Variants in TMEM132C observed in about 807,000 individuals in gnomAD.
The protein encoded by TMEM132C is protein phosphatase 1, regulatory subunit 152.
Under a neutral mutation model 61.4 loss-of-function variants are expected in TMEM132C, and 29 were observed. The ratio of observed to expected loss-of-function variants is 0.47; its 90% CI spans 0.35 to 0.64. TMEM132C has a LOEUF of 0.64. Among genes scored for constraint, TMEM132C ranks in the 30% least tolerant of loss-of-function variants. The pLI is 0.00. For synonymous variants in TMEM132C, 656 were observed against 633.1 expected (o/e 1.04, Z -0.54); for missense variants, 1,408 against 1,476.9 (o/e 0.95, Z 0.76).
chr12:128,636,701 C>T (rs950716242), intron 4 of TMEM132C, among the ~76,000 whole-genome samples: 6 of 152,022 alleles, frequency 3.9e-5, no homozygotes, highest in Admixed American at 1.3e-4. Flanking sequence ...GACAGCAGAT[C>T]TCTAGAACAT....
chr12:128,477,368 C>A (rs146472330), intron 2 of TMEM132C, among the ~76,000 whole-genome samples: 71 of 152,268 alleles, frequency 4.7e-4, no homozygotes, highest in African/African-American at 1.6e-3. Context: ...CCGCATGAGG[C>A]CAAAGCTTGG....
chr12:128,706,094 C>A lies in TMEM132C; in HGVS notation c.3126C>A (p.Asp1042Glu), dbSNP rs752030046. ...GGRQGREQKQ[D>E]PLHSPTSKRK... The stretch of plus-strand genomic sequence containing the variant: ...GGCAGGGCAGAGAACAGAAGCAGGA[C>A]CCCCTGCACTCGCCCACCTCCAAGA... Residue 1042 changes from aspartate to glutamate, a missense_variant, in exon 9 of 9, where the codon GAC becomes GAA. By Grantham distance (45) the Asp-to-Glu change is conservative. Coordinates refer to ENST00000435159, the MANE Select transcript of TMEM132C (RefSeq NM_001136103.3). The A allele has an allele frequency of 8.4e-6, 13 of 1,551,386 alleles. No homozygotes were observed. In the African/African-American group the frequency reaches 1.4e-4, roughly 16 times the overall value.
At chr12:128,270,769 G>C (rs1870484285) in intron 1 of TMEM132C, among the ~76,000 whole-genome samples, 2 of 152,120 alleles carry the variant, frequency 1.3e-5, no homozygotes, top group South Asian at 4.1e-4. Flanking sequence ...TCCTTACTGT[G>C]TTTTAGCCTC....
intron 4 of TMEM132C, among the ~76,000 whole-genome samples, chr12:128,621,464 C>T (rs578166066): frequency 2.6e-4 from 40 of 152,240 alleles, no homozygotes; most frequent in African/African-American, 8.4e-4. Flanking sequence ...GATAGCACCC[C>T]GTAGCCAAGG....
chr12:128,434,135 A>G (rs978594764), intron 2 of TMEM132C, among the ~76,000 whole-genome samples: 1 of 152,208 alleles, frequency 6.6e-6, no homozygotes, highest in African/African-American at 2.4e-5. Flanking sequence ...ATCATCAGCT[A>G]GAATGAACTA....
chr12:128,625,322 C>T (rs1198032561), intron 4 of TMEM132C, among the ~76,000 whole-genome samples: 1 of 152,158 alleles, frequency 6.6e-6, no homozygotes, highest in Non-Finnish European at 1.5e-5. Flanking sequence ...GAGGACTTGC[C>T]TCCTGGTGCA....
chr12:128,684,746 C>T (rs1954661510), intron 5 of TMEM132C, among the ~76,000 whole-genome samples: 2 of 152,236 alleles, frequency 1.3e-5, no homozygotes, highest in African/African-American at 4.8e-5. Context: ...TAGACATTGT[C>T]TCAGAAATAT....
intron 1 of TMEM132C, among the ~76,000 whole-genome samples, chr12:128,285,230 G>A (rs1871017484): frequency 6.6e-6 from 1 of 152,108 alleles, no homozygotes; most frequent in African/African-American, 2.4e-5. Flanking sequence ...TAGAAGAACA[G>A]ATTTTGAATG....
At chr12:128,379,209 T>G (rs1593031705) in intron 1 of TMEM132C, among the ~76,000 whole-genome samples, 1 of 152,150 alleles carries the variant, frequency 6.6e-6, no homozygotes, top group South Asian at 2.1e-4. Flanking sequence ...TGGGTTATGG[T>G]TGGTCAGTGA....
At chr12:128,370,009 C>G (rs974866471) in intron 1 of TMEM132C, among the ~76,000 whole-genome samples, 1 of 152,236 alleles carries the variant, frequency 6.6e-6, no homozygotes, top group Admixed American at 6.5e-5. Context: ...GCTGATGGAT[C>G]TTGCATTTCT....
intron 4 of TMEM132C, among the ~76,000 whole-genome samples, chr12:128,622,685 C>T (rs936073354): frequency 3.5e-4 from 53 of 151,890 alleles, no homozygotes; most frequent in African/African-American, 1.2e-3. Context: ...CGTGGGGAAG[C>T]GCGTTAGCAA....
intron 2 of TMEM132C, among the ~76,000 whole-genome samples, chr12:128,466,411 A>G (rs933848720): frequency 6.6e-6 from 1 of 152,240 alleles, no homozygotes; most frequent in Admixed American, 6.5e-5. Flanking sequence ...TAAACTTTTC[A>G]TTTGAAAATT....
At chr12:128,439,977 G>A (rs948279109) in intron 2 of TMEM132C, among the ~76,000 whole-genome samples, 1 of 152,144 alleles carries the variant, frequency 6.6e-6, no homozygotes, top group Non-Finnish European at 1.5e-5. Context: ...TGCTTCATAG[G>A]GTATGTTGCA....
At chr12:128,355,145 G>T (rs867445855) in intron 1 of TMEM132C, among the ~76,000 whole-genome samples, 1 of 152,144 alleles carries the variant, frequency 6.6e-6, no homozygotes, top group Non-Finnish European at 1.5e-5. Flanking sequence ...TTTTAAGCCC[G>T]CAGAAGCCCA....
chr12:128,382,870 GTGTT>G (rs1348823960), intron 1 of TMEM132C, among the ~76,000 whole-genome samples: 2 of 152,154 alleles, frequency 1.3e-5, no homozygotes, highest in Admixed American at 6.5e-5. Flanking sequence ...GAGTATGTGT[GTGTT>G]TGTGCTGTGT....
intron 5 of TMEM132C, among the ~76,000 whole-genome samples, chr12:128,682,349 A>G (rs1301370731): frequency 2.6e-5 from 4 of 152,074 alleles, no homozygotes; most frequent in Non-Finnish European, 4.4e-5. Context: ...TCCATTTCTA[A>G]TGTGGCCTGG....
At chr12:128,488,815 T>G (rs1325545963) in intron 2 of TMEM132C, among the ~76,000 whole-genome samples, 1 of 152,142 alleles carries the variant, frequency 6.6e-6, no homozygotes, top group African/African-American at 2.4e-5. Context: ...GGGCTCTTAA[T>G]AATTACTTAC....
intron 3 of TMEM132C, among the ~76,000 whole-genome samples, chr12:128,596,115 G>C (rs1277591894): frequency 1.4e-5 from 2 of 139,946 alleles, no homozygotes; most frequent in Non-Finnish European, 1.6e-5. Context: ...CCCGTTTTCT[G>C]TCCATCACAC....
At chr12:128,476,327 A>AC (rs1470557720) in intron 2 of TMEM132C, among the ~76,000 whole-genome samples, 1 of 152,226 alleles carries the variant, frequency 6.6e-6, no homozygotes, top group African/African-American at 2.4e-5. Flanking sequence ...ACATGGCAGT[A>AC]CAGAGAGAAA....
Sources: gnomAD v4.1 joint callset for allele counts (sites outside exome capture counted in the v4.1 genomes callset) on GRCh38, gnomAD v4.1.1 for gene constraint, MANE v1.5 for transcripts, NCBI Gene and HGNC (gene_info 2026-07-23, HGNC 2026-07-21) for gene names.